Variants in GRAMD1C observed in about 807,000 individuals in gnomAD.
GRAMD1C encodes GRAM domain containing 1C.
Under a neutral mutation model 97.8 loss-of-function variants are expected in GRAMD1C, and 89 were observed. The observed-to-expected ratio is 0.91, with a 90% CI of 0.77 to 1.09. GRAMD1C has a LOEUF of 1.09. Among genes scored for constraint, GRAMD1C ranks in the 50% least tolerant of loss-of-function variants. The probability of loss-of-function intolerance (pLI) is 0.00; values close to 1 mark genes in which losing one functional copy is unlikely to be tolerated. For missense variants in GRAMD1C, 740 were observed against 766.4 expected (o/e 0.97, Z 0.41); for synonymous variants, 256 against 267.0 (o/e 0.96, Z 0.40).
At chr3:113,828,601 G>A (rs1222827279) in intron 1 of GRAMD1C, among the ~76,000 whole-genome samples, 2 of 152,026 alleles carry the variant, frequency 1.3e-5, no homozygotes, top group African/African-American at 4.8e-5. Flanking sequence ...TGAATTTCAT[G>A]TCAGAACACT....
chr3:113,940,521 TTTTG>T (rs1937722584), intron 17 of GRAMD1C, among the ~76,000 whole-genome samples, 176 bp downstream of exon 17: 2 of 152,222 alleles, frequency 1.3e-5, no homozygotes, highest in African/African-American at 2.4e-5. Flanking sequence ...ATGTAGTCAC[TTTTG>T]TTTATTTATT....
upstream of GRAMD1C, among the ~76,000 whole-genome samples, chr3:113,833,893 G>A (rs116685709): frequency 5.4e-4 from 82 of 152,156 alleles, no homozygotes; most frequent in Admixed American, 1.6e-3. Flanking sequence ...TGCCATTTTC[G>A]TTGATGTTGC....
chr3:113,850,611 G>C, intron 2 of GRAMD1C: 1 of 1,607,568 alleles, frequency 6.2e-7, no homozygotes, highest in Non-Finnish European at 8.5e-7. Flanking sequence ...ATGAAGGTTG[G>C]GCACATTCTT....
intron 1 of GRAMD1C, among the ~76,000 whole-genome samples, chr3:113,841,422 A>T (rs1329323494): frequency 1.3e-5 from 2 of 151,180 alleles, no homozygotes; most frequent in South Asian, 4.2e-4. Flanking sequence ...AGTAGCTGGG[A>T]TTACAGGCAC....
At chr3:113,907,587 T>G (rs545229843) in intron 8 of GRAMD1C, among the ~76,000 whole-genome samples, 14 of 152,324 alleles carry the variant, frequency 9.2e-5, no homozygotes, top group African/African-American at 3.4e-4. Context: ...GTCACTTGCT[T>G]TGCCTCATTT....
At position 113,876,224 on chromosome 3, in the gene GRAMD1C, C is replaced by G. The variant is rs1418872567; in HGVS notation, c.423C>G (p.Ile141Met). 4 of 1,597,362 alleles carry G rather than the reference C, an allele frequency of 2.5e-6. 1 individual carries two copies. Among genetic ancestry groups the G allele is most frequent in the Non-Finnish European group, 3.4e-6 (4 of 1,165,448 alleles). ...CCAAGGAAAAAACTGCTCGACTCAT[C>G]CCAAACGCTATCCAGATAGTTACAG... ...FMTKEKTARL[I>M]PNAIQIVTES... is the part of the protein sequence containing the mutation. The change falls in exon 5 of 18, where the codon ATC becomes ATG. Residue 141 changes from isoleucine (I) to methionine (M), a missense_variant. Transcript: ENST00000358160.
chr3:113,935,939 C>T (rs1937570397), intron 13 of GRAMD1C, among the ~76,000 whole-genome samples: 1 of 152,140 alleles, frequency 6.6e-6, no homozygotes, highest in South Asian at 2.1e-4. Context: ...TCTTTGAAAT[C>T]TTTCTAATGA....
chr3:113,921,060 T>TTCCACCC (rs972337661), intron 10 of GRAMD1C, among the ~76,000 whole-genome samples: 3 of 152,180 alleles, frequency 2.0e-5, no homozygotes, highest in African/African-American at 7.2e-5. Context: ...TTTACCCTCC[T>TTCCACCC]TCCACCCTCC....
rs549161955 is a variant in GRAMD1C at position 113,946,399 on chromosome 3, C to T, written c.*921C>T. ...TTTGATTGGTAAGTTATAAGCCAGA[C>T]ATAGATTTTAGCTCTTTAATAAAAA... On this transcript the variant is annotated 3_prime_UTR_variant, in exon 18 of 18. Transcript: ENST00000358160. 6 of 152,440 alleles carry T rather than the reference C, an allele frequency of 3.9e-5. No homozygotes were observed. In the East Asian group the frequency reaches 1.2e-3, roughly 29 times the overall value. 9.4% of individuals were successfully genotyped at this position (152,440 alleles called of 1,614,324 possible).
intron 1 of GRAMD1C, among the ~76,000 whole-genome samples, chr3:113,833,512 C>G (rs1709590206): frequency 6.6e-6 from 1 of 152,076 alleles, no homozygotes; most frequent in Non-Finnish European, 1.5e-5. Context: ...AGGCAGGTGT[C>G]CTACCCTTGG....
chr3:113,899,686 C>T (rs1374080719), intron 6 of GRAMD1C, among the ~76,000 whole-genome samples: 3 of 152,030 alleles, frequency 2.0e-5, no homozygotes, highest in Non-Finnish European at 4.4e-5. Flanking sequence ...GACATCAGAC[C>T]ATTGGTTATC....
At chr3:113,888,442 C>G (rs536310052) in intron 6 of GRAMD1C, among the ~76,000 whole-genome samples, 131 of 152,232 alleles carry the variant, frequency 8.6e-4, no homozygotes, top group African/African-American at 3.1e-3. Context: ...GTTAACAATA[C>G]TGTGTTGTAT....
chr3:113,928,275 G>A (rs1396107718), intron 10 of GRAMD1C, among the ~76,000 whole-genome samples: 2 of 151,904 alleles, frequency 1.3e-5, no homozygotes, highest in Non-Finnish European at 2.9e-5. Context: ...TGTGAGAGCG[G>A]CACACACGAG....
chr3:113,930,746 G>C lies in GRAMD1C; in HGVS notation c.1123G>C (p.Gly375Arg), dbSNP rs1206421811. The C allele has an allele frequency of 1.2e-6, 2 of 1,608,814 alleles. No homozygotes were observed. The highest frequency in any genetic ancestry group is 1.7e-5 in the Admixed American group (1 of 59,972). ...ATCTACCCCTTGGACTGCAGAACTT[G>C]GAGGTGATCAGCTGAGAACGATGAC... ...VVSTPWTAELGGDQLRTMTYT... is the reference protein window; with the variant it reads ...VVSTPWTAELRGDQLRTMTYT... The change falls in exon 11 of 18, where the codon GGA (glycine) becomes CGA (arginine). Residue 375 changes from glycine (G) to arginine (R), a missense_variant. Gly to Arg is a moderately radical substitution (Grantham distance 125). Transcript: ENST00000358160.
At chr3:113,915,622 A>G in intron 9 of GRAMD1C, 79 bp from the exon 10 acceptor site, 3 of 1,103,738 alleles carry the variant, frequency 2.7e-6, no homozygotes, top group Non-Finnish European at 3.9e-6. Flanking sequence ...AAAAAAGAAA[A>G]CCCCACGAAA....
chr3:113,904,548 G>A (rs954501221), intron 8 of GRAMD1C, among the ~76,000 whole-genome samples: 4 of 151,952 alleles, frequency 2.6e-5, no homozygotes, highest in Non-Finnish European at 4.4e-5. Context: ...TAATAAGATG[G>A]AGAAATTTGT....
chr3:113,886,149 C>G (rs1366287647), intron 6 of GRAMD1C: 1 of 1,458,220 alleles, frequency 6.9e-7, no homozygotes, highest in Non-Finnish European at 9.1e-7. Context: ...CAGGGTCTGC[C>G]CCTCCCACCC....
At chr3:113,908,901 T>G in intron 8 of GRAMD1C, 57 bp from the exon 9 acceptor site, 1 of 1,026,284 alleles carries the variant, frequency 9.7e-7, no homozygotes, top group Non-Finnish European at 1.4e-6. Flanking sequence ...AAGTTCTCAC[T>G]GCAAAATCTA....
At chr3:113,844,913 A>G (rs999032598) in intron 2 of GRAMD1C, 14 of 286,344 alleles carry the variant, frequency 4.9e-5, no homozygotes, top group African/African-American at 3.1e-4. Context: ...TTCCACTTAC[A>G]CTGTAGCTCA....
Sources: allele counts gnomAD v4.1 joint callset (sites outside exome capture counted in the v4.1 genomes callset), GRCh38; gene constraint gnomAD v4.1.1; transcripts MANE v1.5; gene names NCBI Gene and HGNC (gene_info 2026-07-23, HGNC 2026-07-21).